LNX2: variants seen among roughly 807,000 people sequenced by gnomAD.
The protein encoded by LNX2 is ligand of numb-protein X 2, also known as ligand of Numb protein X 2.
A neutral mutation model predicts 66.2 loss-of-function variants in LNX2; 35 were observed. The observed-to-expected ratio is 0.53, with a 90% CI of 0.40 to 0.70. The LOEUF (loss-of-function observed/expected upper bound fraction) is 0.70. Ranked by LOEUF, LNX2 falls within the 30% of genes least tolerant of loss-of-function variation. The probability of loss-of-function intolerance (pLI) is 0.00; values close to 1 mark genes in which losing one functional copy is unlikely to be tolerated. For synonymous variants in LNX2, 337 were observed against 315.6 expected (o/e 1.07, Z -0.72); for missense variants, 791 against 850.8 (o/e 0.93, Z 0.87).
intron 2 of LNX2, among the ~76,000 whole-genome samples, chr13:27,578,810 T>C (rs1955368199): frequency 6.6e-6 from 1 of 152,212 alleles, no homozygotes; most frequent in African/African-American, 2.4e-5. Flanking sequence ...TCCCTGGCTT[T>C]CAGCTCCTTC....
At chr13:27,574,720 C>T (rs1326495736) in intron 2 of LNX2, among the ~76,000 whole-genome samples, 7 of 152,168 alleles carry the variant, frequency 4.6e-5, no homozygotes, top group Non-Finnish European at 1.0e-4. Flanking sequence ...GCTTAATAAA[C>T]TCCAAGTAGG....
intron 1 of LNX2, among the ~76,000 whole-genome samples, chr13:27,586,320 A>G (rs530380627): frequency 2.6e-5 from 4 of 152,286 alleles, no homozygotes; most frequent in Admixed American, 2.6e-4. Flanking sequence ...ACATGATAGG[A>G]AAGATATTCC....
At chr13:27,567,084 C>A (rs1004399608) in intron 4 of LNX2, among the ~76,000 whole-genome samples, 7 of 152,060 alleles carry the variant, frequency 4.6e-5, no homozygotes, top group Middle Eastern at 3.2e-3. Flanking sequence ...ATTGAAAATG[C>A]AGAGTTAGAG....
At chr13:27,595,332 CA>C (rs1446106107) in intron 1 of LNX2, among the ~76,000 whole-genome samples, 6 of 152,320 alleles carry the variant, frequency 3.9e-5, no homozygotes, top group African/African-American at 1.4e-4. Flanking sequence ...CAGTGGTTTG[CA>C]ATCACTTGTT....
At chr13:27,549,708 G>A (rs1415277526) in intron 9 of LNX2, among the ~76,000 whole-genome samples, 1 of 152,214 alleles carries the variant, frequency 6.6e-6, no homozygotes, top group Non-Finnish European at 1.5e-5. Context: ...CAGGCATCCT[G>A]TAAGCTATTG....
chr13:27,613,755 G>A (rs146660577), intron 1 of LNX2, among the ~76,000 whole-genome samples: 12 of 152,200 alleles, frequency 7.9e-5, no homozygotes, highest in East Asian at 3.9e-4. Context: ...GTGACAGAGC[G>A]AGACGCAGTC....
At chr13:27,551,277 TA>T (rs948680474) in intron 8 of LNX2, among the ~76,000 whole-genome samples, 1 of 149,812 alleles carries the variant, frequency 6.7e-6, no homozygotes, top group Non-Finnish European at 1.5e-5. Context: ...ACCCCATCTT[TA>T]AAAAAAAAGA....
At chr13:27,570,449 A>G (rs1170876870) in intron 2 of LNX2, among the ~76,000 whole-genome samples, 1 of 152,208 alleles carries the variant, frequency 6.6e-6, no homozygotes, top group Non-Finnish European at 1.5e-5. Flanking sequence ...CCTGGATTTC[A>G]AGTTCTTGAA....
At chr13:27,599,296 T>C (rs1214758575) in intron 1 of LNX2, among the ~76,000 whole-genome samples, 3 of 152,160 alleles carry the variant, frequency 2.0e-5, no homozygotes, top group African/African-American at 7.2e-5. Context: ...GCTTGAAGCT[T>C]TTCTCCTAGG....
At chr13:27,577,763 G>A (rs1471082064) in intron 2 of LNX2, among the ~76,000 whole-genome samples, 1 of 151,922 alleles carries the variant, frequency 6.6e-6, no homozygotes, top group Non-Finnish European at 1.5e-5. Context: ...CATAAACTAG[G>A]GCACAAACAC....
chr13:27,603,795 A>G (rs1407393906), intron 1 of LNX2, among the ~76,000 whole-genome samples: 1 of 152,176 alleles, frequency 6.6e-6, no homozygotes, highest in Non-Finnish European at 1.5e-5. Context: ...ATGTCATTGT[A>G]GCTTACAATG....
chr13:27,564,464 T>C (rs1216434020), intron 4 of LNX2, among the ~76,000 whole-genome samples: 2 of 152,198 alleles, frequency 1.3e-5, no homozygotes, highest in Non-Finnish European at 2.9e-5. Flanking sequence ...TTCTTAATAA[T>C]GTTCTAAGTT....
rs778920085 is a variant in LNX2 at position 27,553,465 on chromosome 13, ATGAGC to A, written c.1547-31_1547-27del. The A allele has an allele frequency of 3.2e-6, 5 of 1,579,504 alleles. No individual in the cohort carries two copies. In the East Asian group the frequency reaches 1.1e-4, roughly 35 times the overall value. ...CTGTTCAGATGAAGAAACAAGAAAA[ATGAGC>A]TGAGCCACTGAGTTTTCACCTGCAA... On this transcript the variant is annotated intron_variant, in intron 7 of 9. Coordinates refer to ENST00000316334, the MANE Select transcript of LNX2 (RefSeq NM_153371.4).
chr13:27,552,503 T>C (rs897241655), intron 8 of LNX2, among the ~76,000 whole-genome samples: 7 of 152,240 alleles, frequency 4.6e-5, no homozygotes, highest in Non-Finnish European at 1.0e-4. Flanking sequence ...TAGCTTAGTT[T>C]TAGGATTCTT....
intron 1 of LNX2, among the ~76,000 whole-genome samples, chr13:27,591,234 AAAAG>A (rs1306841061): frequency 6.6e-6 from 1 of 152,232 alleles, no homozygotes; most frequent in African/African-American, 2.4e-5. Flanking sequence ...GAGAAAACTT[AAAAG>A]AAAGAAAATA....
chr13:27,610,105 G>A (rs533475437), intron 1 of LNX2, among the ~76,000 whole-genome samples: 90 of 152,200 alleles, frequency 5.9e-4, no homozygotes, highest in African/African-American at 1.9e-3. Flanking sequence ...AATAGCCTTC[G>A]CATAGTGGTC....
intron 1 of LNX2, among the ~76,000 whole-genome samples, chr13:27,611,912 G>T (rs567195507): frequency 6.6e-6 from 1 of 152,172 alleles, no homozygotes; most frequent in African/African-American, 2.4e-5. Flanking sequence ...GTTAAAGATT[G>T]GAGCATATTT....
Position 27,559,773 on chromosome 13 carries a change from C to A in LNX2, c.1368+69G>T, listed in dbSNP as rs1388704716. The A allele has an allele frequency of 2.1e-6, 3 of 1,396,840 alleles. No homozygotes were observed. The South Asian group carries it at 5.4e-5, about 25-fold the overall frequency. 86.5% of individuals were successfully genotyped at this position (1,396,840 alleles called of 1,614,324 possible). On this transcript the variant is annotated intron_variant, in intron 6 of 9. Coordinates refer to ENST00000316334, the MANE Select transcript of LNX2 (RefSeq NM_153371.4). ...TGTGACTGACACACAAAAAAACCTT[C>A]ATTTAAATCTTACCAGCTTGTAACA...
At chr13:27,609,456 C>G (rs1955751643) in intron 1 of LNX2, among the ~76,000 whole-genome samples, 1 of 152,138 alleles carries the variant, frequency 6.6e-6, no homozygotes, top group Non-Finnish European at 1.5e-5. Context: ...GCGCCTGGCC[C>G]AGAGTGATTC....
Sources: allele counts gnomAD v4.1 joint callset (sites outside exome capture counted in the v4.1 genomes callset), GRCh38; gene constraint gnomAD v4.1.1; transcripts MANE v1.5; gene names NCBI Gene and HGNC (gene_info 2026-07-23, HGNC 2026-07-21).